CPNE2: variants seen among roughly 807,000 people sequenced by gnomAD.
The protein encoded by CPNE2 is copine 2.
In CPNE2, 42 loss-of-function variants were observed where a neutral mutation model predicts 69.7. That is an observed-to-expected ratio of 0.60 (90% CI 0.47 to 0.78). The LOEUF (loss-of-function observed/expected upper bound fraction) is 0.78. CPNE2 is among the 30% of genes least tolerant of loss of function. The probability of loss-of-function intolerance (pLI) is 0.00; values close to 1 mark genes in which losing one functional copy is unlikely to be tolerated. For synonymous variants in CPNE2, 294 were observed against 289.8 expected (o/e 1.01, Z -0.15); for missense variants, 587 against 732.0 (o/e 0.80, Z 2.29).
intron 12 of CPNE2, among the ~76,000 whole-genome samples, chr16:57,132,761 C>A (rs755384958): frequency 7.9e-5 from 12 of 152,140 alleles, no homozygotes; most frequent in South Asian, 2.1e-4. Context: ...GGACACTTGT[C>A]CCCAGGCCCC....
rs1425918513 is a variant in CPNE2, at chr16:57,125,702, C to A, written c.928-158C>A. On this transcript the variant is annotated intron_variant, in intron 10 of 15. Coordinates refer to ENST00000290776, the MANE Select transcript of CPNE2 (RefSeq NM_152727.6). ...ATGGCATTAGAGCAGAGGAGTGATA[C>A]AATCAGAGCATTTCTAGGTTTCAGA... 3.5e-5 allele frequency: 30 copies of A among 847,484 alleles called. No homozygotes were observed. In the East Asian group the frequency reaches 6.4e-4, roughly 18 times the overall value. 52.5% of individuals were successfully genotyped at this position (847,484 alleles called of 1,614,324 possible). A position where few individuals can be genotyped will look rare whatever the true frequency, so the allele number is the denominator to read the frequency against.
rs754690853 is a variant in CPNE2, at chr16:57,134,783, T to C, written c.1125T>C (p.His375=). The change falls in exon 13 of 16, where the codon CAT becomes CAC. Residue 375 remains histidine, a synonymous_variant. Transcript: ENST00000290776. Reference sequence around the variant, plus strand: ...TTTTCTCTGCGTTTCAGGTCTCCCATGAGTTTGCCATCAACTTCAACCCCA... The same window carrying C: ...TTTTCTCTGCGTTTCAGGTCTCCCACGAGTTTGCCATCAACTTCAACCCCA... ...AQLPPDWKVS[H]EFAINFNPTN... is the part of the protein sequence containing the mutation. 3 of 1,613,706 alleles carry C rather than the reference T, an allele frequency of 1.9e-6. No individual in the cohort carries two copies. In the Admixed American group the frequency reaches 5.0e-5, roughly 27 times the overall value.
intron 4 of CPNE2, among the ~76,000 whole-genome samples, chr16:57,117,196 G>A (rs879326401): frequency 6.6e-6 from 1 of 152,104 alleles, no homozygotes; most frequent in Non-Finnish European, 1.5e-5. Context: ...CTCTCCCCGG[G>A]ACTCAAGACC....
intron 1 of CPNE2, among the ~76,000 whole-genome samples, chr16:57,107,721 A>G (rs1597491849): frequency 6.6e-6 from 1 of 152,116 alleles, no homozygotes; most frequent in African/African-American, 2.4e-5. Context: ...CTCTGCTTCT[A>G]AGACTTCCCA....
chr16:57,140,785 G>A (rs2445690), intron 14 of CPNE2: 138,183 of 151,324 alleles, frequency 0.91, 63,258 homozygotes, highest in Middle Eastern at 0.98. Flanking sequence ...CACTGGTCTT[G>A]AACTTGTGAC....
intron 4 of CPNE2, 121 bp downstream of exon 4, chr16:57,115,671 T>TA (rs2069714039): frequency 1.5e-6 from 1 of 653,062 alleles, no homozygotes. Flanking sequence ...AGGCCCAACT[T>TA]ACAACTTAGC....
chr16:57,140,486 GA>G (rs1401912459), intron 14 of CPNE2, among the ~76,000 whole-genome samples: 2 of 151,006 alleles, frequency 1.3e-5, no homozygotes, highest in African/African-American at 4.9e-5. Flanking sequence ...TTCCTCTTAT[GA>G]AATGGGCGTA....
chr16:57,098,656 A>C (rs2069593799), intron 1 of CPNE2, among the ~76,000 whole-genome samples: 1 of 152,178 alleles, frequency 6.6e-6, no homozygotes, highest in African/African-American at 2.4e-5. Context: ...GAATTCTGTG[A>C]ACCTCTAGTC....
intron 7 of CPNE2, 140 bp downstream of exon 7, chr16:57,119,790 GGA>G (rs1298724419): frequency 1.6e-6 from 1 of 610,024 alleles, no homozygotes; most frequent in Non-Finnish European, 2.9e-6. Flanking sequence ...AGGGAGGACT[GGA>G]GACTGGGTCC....
In CPNE2 at chr16:57,147,196, AC is replaced by A. The variant is rs548472206; in HGVS notation, c.1540-353del. ...CCTGTGGCTGGCTGTTCACTAGTGA[AC>A]CATACTGTCAGGCCCATTTATTCCC... On this transcript the variant is annotated intron_variant, in intron 15 of 15. Coordinates refer to ENST00000290776, the MANE Select transcript of CPNE2 (RefSeq NM_152727.6). 335 of 192,808 alleles carry A rather than the reference AC, an allele frequency of 1.7e-3. 2 individuals are homozygous for A. Among genetic ancestry groups the A allele is most frequent in the Non-Finnish European group, 2.2e-3 (213 of 95,102 alleles). 11.9% of individuals were successfully genotyped at this position (192,808 alleles called of 1,614,324 possible).
At chr16:57,100,761 A>C (rs1388706172) in intron 1 of CPNE2, among the ~76,000 whole-genome samples, 1 of 152,168 alleles carries the variant, frequency 6.6e-6, no homozygotes, top group African/African-American at 2.4e-5. Flanking sequence ...TATTATGGTT[A>C]TCTCTCCATC....
chr16:57,119,894 C>T (rs2069749055), intron 7 of CPNE2, among the ~76,000 whole-genome samples: 1 of 152,224 alleles, frequency 6.6e-6, no homozygotes, highest in Admixed American at 6.5e-5. Context: ...CCCCAGAGGG[C>T]TGCAGAGCTG....
At chr16:57,138,667 T>A (rs949049683) in intron 14 of CPNE2, among the ~76,000 whole-genome samples, 10 of 151,808 alleles carry the variant, frequency 6.6e-5, no homozygotes, top group African/African-American at 2.4e-4. Context: ...ATGAAGCAGA[T>A]CTCTTGCCTT....
intron 12 of CPNE2, among the ~76,000 whole-genome samples, chr16:57,131,594 G>A (rs946096337): frequency 1.3e-5 from 2 of 152,236 alleles, no homozygotes; most frequent in African/African-American, 4.8e-5. Context: ...GTCACAGGGC[G>A]ATGCTGGGGA....
chr16:57,113,323 C>T lies in CPNE2; in HGVS notation c.216C>T (p.Asn72=), dbSNP rs2069693728. Residue 72 remains asparagine (N), a synonymous_variant, in exon 3 of 16, where the codon AAC becomes AAT. Transcript: ENST00000290776. ...DRTETAINNL[N]PAFSKKFVLD... Reference sequence around the variant, plus strand: ...CAGAAACCGCGATCAACAACCTCAACCCCGCCTTCTCCAAGAAGTTCGTGC... The same window carrying T: ...CAGAAACCGCGATCAACAACCTCAATCCCGCCTTCTCCAAGAAGTTCGTGC... 1 of 1,614,186 alleles carries T rather than the reference C, an allele frequency of 6.2e-7. No homozygotes were observed. The highest frequency in any genetic ancestry group is 2.2e-5 in the East Asian group (1 of 44,890).
rs184195508 is a variant in CPNE2, at chr16:57,106,479, T to C, written c.-35-4229T>C. 4.7e-4 allele frequency among the ~76,000 whole-genome samples: 72 copies of C among 152,304 alleles called. 2 individuals carry two copies. In the East Asian group the frequency reaches 0.013, roughly 27 times the overall value. Reference sequence around the variant, plus strand: ...GACAGAAGGAGGTGACCCCAGAGTGTTCATATGAGCATCTGTCATTGTATT... The same window carrying C: ...GACAGAAGGAGGTGACCCCAGAGTGCTCATATGAGCATCTGTCATTGTATT... On this transcript the variant is annotated intron_variant, in intron 1 of 15. Coordinates refer to ENST00000290776, the MANE Select transcript of CPNE2 (RefSeq NM_152727.6).
chr16:57,137,834 A>G (rs994345078), intron 14 of CPNE2, among the ~76,000 whole-genome samples: 13 of 152,208 alleles, frequency 8.5e-5, no homozygotes, highest in African/African-American at 2.9e-4. Flanking sequence ...CCCCAGCTGC[A>G]GGCTGGCTCC....
intron 14 of CPNE2, among the ~76,000 whole-genome samples, chr16:57,138,202 C>T (rs1172808668): frequency 6.6e-6 from 1 of 152,284 alleles, no homozygotes; most frequent in East Asian, 1.9e-4. Flanking sequence ...CCTCGGCCAG[C>T]CCCCACCCCT....
chr16:57,135,818 G>A (rs2069875143), intron 13 of CPNE2, among the ~76,000 whole-genome samples: 1 of 143,688 alleles, frequency 7.0e-6, no homozygotes, highest in Non-Finnish European at 1.5e-5. Flanking sequence ...AGGTTGCAGT[G>A]AGCTGAGATC....
Sources: gnomAD v4.1 joint callset for allele counts (sites outside exome capture counted in the v4.1 genomes callset) on GRCh38, gnomAD v4.1.1 for gene constraint, MANE v1.5 for transcripts, NCBI Gene and HGNC (gene_info 2026-07-23, HGNC 2026-07-21) for gene names.